RBFOX1: variants seen among roughly 807,000 people sequenced by gnomAD.
The protein encoded by RBFOX1 is RNA binding protein fox-1 homolog 1.
RBFOX1 carries 8 observed loss-of-function variants against 57.7 expected under a neutral mutation model. The observed-to-expected ratio is 0.14, with a 90% CI of 0.08 to 0.25. The LOEUF (loss-of-function observed/expected upper bound fraction) is 0.25. Among genes scored for constraint, RBFOX1 ranks in the 10% least tolerant of loss-of-function variants. RBFOX1 has a pLI of 1.00. For missense variants in RBFOX1, 611 were observed against 548.5 expected (o/e 1.11, Z -1.14); for synonymous variants, 326 against 222.4 (o/e 1.47, Z -4.15).
At chr16:7,352,006 G>A (rs995764553) in intron 4 of RBFOX1, among the ~76,000 whole-genome samples, 5 of 152,146 alleles carry the variant, frequency 3.3e-5, no homozygotes, top group African/African-American at 4.8e-5. Context: ...AGAGTGATTC[G>A]TGGGCTCAGT....
chr16:5,444,647 A>C (rs1336059501), intron 1 of RBFOX1, among the ~76,000 whole-genome samples: 1 of 152,150 alleles, frequency 6.6e-6, no homozygotes, highest in African/African-American at 2.4e-5. Flanking sequence ...TGGCATGGCT[A>C]TACAGAATGG....
intron 1 of RBFOX1, among the ~76,000 whole-genome samples, chr16:5,240,869 C>T: frequency 6.6e-6 from 1 of 152,170 alleles, no homozygotes; most frequent in East Asian, 1.9e-4. Flanking sequence ...TCCTGTGTGG[C>T]TTTGCTGGCC....
At chr16:6,656,720 T>G (rs2098655891) in intron 3 of RBFOX1, among the ~76,000 whole-genome samples, 1 of 152,150 alleles carries the variant, frequency 6.6e-6, no homozygotes, top group Admixed American at 6.5e-5. Context: ...TTTCTAAACT[T>G]GACCTCATAT....
At position 6,019,652 on chromosome 16, in the gene RBFOX1, G is replaced by A. The variant is rs1299336819; in HGVS notation, c.-467G>A. On this transcript the variant is annotated 5_prime_UTR_variant, in exon 1 of 16. Transcript: ENST00000550418. This position sits in a 1 kb window ranked among gnomAD's most constrained non-coding sequence, Gnocchi z 4.2. ...CATCTGGAGGGGACAGCCAGCCGTGGGCCCCGCCCCGGCGTCCGGAGCAGG... is the reference window on the plus strand; with the variant it reads ...CATCTGGAGGGGACAGCCAGCCGTGAGCCCCGCCCCGGCGTCCGGAGCAGG... 15 of 1,300,270 alleles carry A rather than the reference G, an allele frequency of 1.2e-5. No homozygotes were observed. The highest frequency in any genetic ancestry group is 3.7e-5 in the Admixed American group (1 of 27,382). The allele number at this position is 1,300,270 out of a possible 1,614,324, so 80.5% of individuals were successfully genotyped here.
At chr16:5,905,300 G>A (rs773821442) in intron 4 of RBFOX1, among the ~76,000 whole-genome samples, 58 of 151,874 alleles carry the variant, frequency 3.8e-4, no homozygotes, top group Non-Finnish European at 6.3e-4. Context: ...TAATCCACCC[G>A]CCTCGGCCTC....
chr16:6,849,527 G>T (rs917976911), intron 3 of RBFOX1, among the ~76,000 whole-genome samples: 3 of 152,022 alleles, frequency 2.0e-5, no homozygotes, highest in Admixed American at 1.3e-4. Context: ...AAATTAGCTG[G>T]GTATGGTGGT....
intron 2 of RBFOX1, among the ~76,000 whole-genome samples, chr16:6,458,115 C>T (rs1170252633): frequency 1.3e-5 from 2 of 152,104 alleles, no homozygotes; most frequent in East Asian, 3.9e-4. Flanking sequence ...AAGAAGGGAA[C>T]AGAAAATTTT....
intron 4 of RBFOX1, among the ~76,000 whole-genome samples, chr16:7,105,354 C>T (rs1031282187): frequency 1.4e-5 from 2 of 140,186 alleles, no homozygotes; most frequent in Non-Finnish European, 3.1e-5. Flanking sequence ...TCATAGGTTT[C>T]GGGGAACGGG....
At chr16:6,747,747 C>G (rs1298490794) in intron 3 of RBFOX1, among the ~76,000 whole-genome samples, 3 of 152,120 alleles carry the variant, frequency 2.0e-5, no homozygotes, top group African/African-American at 4.8e-5. Flanking sequence ...TGGACAGCAA[C>G]TTGTGCAAAG....
At chr16:6,286,061 C>T (rs1036910649) in intron 1 of RBFOX1, among the ~76,000 whole-genome samples, 5 of 152,074 alleles carry the variant, frequency 3.3e-5, no homozygotes, top group African/African-American at 1.2e-4. Flanking sequence ...ACCATTTTGG[C>T]ACTGATAATA....
At chr16:5,440,237 T>A (rs929890408) in intron 1 of RBFOX1, among the ~76,000 whole-genome samples, 14 of 152,220 alleles carry the variant, frequency 9.2e-5, no homozygotes, top group African/African-American at 3.4e-4. Context: ...AATTCTAGGA[T>A]CTTTGGTTCT....
chr16:6,827,939 C>T (rs1462605910), intron 3 of RBFOX1, among the ~76,000 whole-genome samples: 1 of 152,208 alleles, frequency 6.6e-6, no homozygotes, highest in Non-Finnish European at 1.5e-5. Context: ...TTGATTAATG[C>T]CTGTTGTTTC....
intron 4 of RBFOX1, among the ~76,000 whole-genome samples, chr16:7,380,198 T>C (rs2097762630): frequency 6.6e-6 from 1 of 152,202 alleles, no homozygotes; most frequent in Non-Finnish European, 1.5e-5. Flanking sequence ...GTCTGAACTA[T>C]ATCACATCAT....
intron 1 of RBFOX1, among the ~76,000 whole-genome samples, chr16:6,303,643 G>A (rs1002947616): frequency 6.6e-6 from 1 of 151,958 alleles, no homozygotes; most frequent in Admixed American, 6.6e-5. Context: ...TAATAGAAAT[G>A]GAAAGCTACT....
At chr16:5,347,916 C>G (rs1352516267) in intron 1 of RBFOX1, among the ~76,000 whole-genome samples, 4 of 146,986 alleles carry the variant, frequency 2.7e-5, no homozygotes, top group Non-Finnish European at 3.0e-5. Context: ...CCCCTCCCCC[C>G]CATCAACCCA....
At chr16:6,240,658 C>G (rs904606771) in intron 1 of RBFOX1, among the ~76,000 whole-genome samples, 2 of 150,760 alleles carry the variant, frequency 1.3e-5, no homozygotes, top group Non-Finnish European at 2.9e-5. Context: ...TTATCACTGA[C>G]TTCATTTTTA....
chr16:5,973,933 A>C (rs1031928896), intron 4 of RBFOX1, among the ~76,000 whole-genome samples: 2 of 152,206 alleles, frequency 1.3e-5, no homozygotes, highest in African/African-American at 4.8e-5. Flanking sequence ...TGGCATCAGG[A>C]TGACCGGCAT....
intron 2 of RBFOX1, among the ~76,000 whole-genome samples, chr16:6,463,909 A>G (rs777468910): frequency 1.6e-4 from 24 of 152,052 alleles, no homozygotes; most frequent in Non-Finnish European, 3.2e-4. Context: ...ATCCTGCAGG[A>G]ACCACCCAGC....
intron 1 of RBFOX1, among the ~76,000 whole-genome samples, chr16:6,178,496 G>C (rs576566875): frequency 1.1e-3 from 163 of 152,142 alleles, no homozygotes; most frequent in Non-Finnish European, 2.1e-3. Context: ...GCCCATATCT[G>C]TAGACTCAGA....
Sources: allele counts gnomAD v4.1 joint callset (sites outside exome capture counted in the v4.1 genomes callset), GRCh38; gene constraint gnomAD v4.1.1; non-coding constraint Gnocchi (gnomAD v3.1); transcripts MANE v1.5; gene names NCBI Gene and HGNC (gene_info 2026-07-23, HGNC 2026-07-21).